Variants in SLC24A2 observed in about 807,000 individuals in gnomAD.
The protein encoded by SLC24A2 is solute carrier family 24 member 2.
In SLC24A2, 36 loss-of-function variants were observed where a neutral mutation model predicts 62.0. That is an observed-to-expected ratio of 0.58 (90% confidence interval 0.44 to 0.77). The LOEUF (loss-of-function observed/expected upper bound fraction) is 0.77. Ranked by LOEUF, SLC24A2 falls within the 30% of genes least tolerant of loss-of-function variation. The pLI, the probability that SLC24A2 is intolerant of heterozygous loss-of-function variation, is 0.00. For missense variants in SLC24A2, 846 were observed against 817.9 expected (o/e 1.03, Z -0.42); for synonymous variants, 358 against 294.0 (o/e 1.22, Z -2.23).
At chr9:19,568,795 T>C (rs761151255) in intron 7 of SLC24A2, among the ~76,000 whole-genome samples, 1 of 152,220 alleles carries the variant, frequency 6.6e-6, no homozygotes, top group Non-Finnish European at 1.5e-5. Flanking sequence ...AATTGCCTGG[T>C]TCAACATTGA....
intron 2 of SLC24A2, among the ~76,000 whole-genome samples, chr9:19,753,048 G>C (rs552256172): frequency 6.6e-6 from 1 of 152,314 alleles, no homozygotes; most frequent in Non-Finnish European, 1.5e-5. Context: ...TCCCTCAGGT[G>C]CCAGGAGTAA....
chr9:20,103,477 G>A, the SLC24A2 span, among the ~76,000 whole-genome samples: 1 of 152,148 alleles, frequency 6.6e-6, no homozygotes, highest in Non-Finnish European at 1.5e-5. Context: ...ACCTCACATG[G>A]CCAGGTACTC....
At chr9:20,270,818 A>C in the SLC24A2 span, among the ~76,000 whole-genome samples, 1 of 152,240 alleles carries the variant, frequency 6.6e-6, no homozygotes, top group Non-Finnish European at 1.5e-5. Context: ...GTTTTTATAC[A>C]ATAAAAATTT....
the SLC24A2 span, among the ~76,000 whole-genome samples, chr9:19,901,985 G>T: frequency 6.6e-6 from 1 of 152,214 alleles, no homozygotes; most frequent in African/African-American, 2.4e-5. Context: ...GGCTGCCACA[G>T]AACAAGAAAA....
At chr9:19,981,063 G>A in the SLC24A2 span, among the ~76,000 whole-genome samples, 1,360 of 152,258 alleles carry the variant, frequency 8.9e-3, 26 homozygotes, top group African/African-American at 0.032. Flanking sequence ...AAAAGATGCT[G>A]ATGGAGTATG....
chr9:19,878,301 T>C, the SLC24A2 span, among the ~76,000 whole-genome samples: 1 of 152,124 alleles, frequency 6.6e-6, no homozygotes, highest in African/African-American at 2.4e-5. Flanking sequence ...AGGGGAAGGA[T>C]TGGATGCAGG....
At chr9:20,004,424 G>C in the SLC24A2 span, among the ~76,000 whole-genome samples, 9 of 152,164 alleles carry the variant, frequency 5.9e-5, no homozygotes, top group African/African-American at 2.2e-4. Context: ...AAGTGACATT[G>C]TGACATTCTT....
chr9:20,033,814 T>C, the SLC24A2 span, among the ~76,000 whole-genome samples: 1 of 152,196 alleles, frequency 6.6e-6, no homozygotes, highest in Non-Finnish European at 1.5e-5. Context: ...TTTTTTAGCA[T>C]ATGATCAGGA....
the SLC24A2 span, among the ~76,000 whole-genome samples, chr9:19,962,043 A>C: frequency 6.6e-6 from 1 of 152,242 alleles, no homozygotes; most frequent in Non-Finnish European, 1.5e-5. Flanking sequence ...ATAGATAGCT[A>C]ATATATCACC....
intron 2 of SLC24A2, among the ~76,000 whole-genome samples, chr9:19,732,680 C>T (rs1821376319): frequency 6.6e-6 from 1 of 152,174 alleles, no homozygotes; most frequent in Non-Finnish European, 1.5e-5. Context: ...TGTGCTGGTT[C>T]TCCCTCTGCA....
chr9:19,626,675 G>A (rs1223265950), intron 2 of SLC24A2, among the ~76,000 whole-genome samples: 1 of 152,138 alleles, frequency 6.6e-6, no homozygotes, highest in Non-Finnish European at 1.5e-5. Flanking sequence ...ATATTCCAAT[G>A]GACATGAATT....
At chr9:20,170,394 A>T in the SLC24A2 span, among the ~76,000 whole-genome samples, 7 of 151,982 alleles carry the variant, frequency 4.6e-5, no homozygotes, top group African/African-American at 7.2e-5. Context: ...TCCTTAACAC[A>T]ATCCCTACCT....
the SLC24A2 span, among the ~76,000 whole-genome samples, chr9:20,187,995 G>C: frequency 4.4e-3 from 670 of 152,296 alleles, 2 homozygotes; most frequent in Non-Finnish European, 6.8e-3. Flanking sequence ...TTTCATCTCT[G>C]AAGCCCCAAC....
At chr9:19,961,958 T>C in the SLC24A2 span, among the ~76,000 whole-genome samples, 1 of 152,202 alleles carries the variant, frequency 6.6e-6, no homozygotes, top group Non-Finnish European at 1.5e-5. Flanking sequence ...ACTCCTAGAT[T>C]CTTGACTCTC....
chr9:19,611,884 G>A (rs532095610), intron 4 of SLC24A2, among the ~76,000 whole-genome samples: 88 of 152,100 alleles, frequency 5.8e-4, no homozygotes, highest in Non-Finnish European at 9.4e-4. Flanking sequence ...TCCCCAAATC[G>A]ATCTCATCTG....
chr9:19,694,522 C>G (rs556000658), intron 2 of SLC24A2, among the ~76,000 whole-genome samples: 1 of 152,056 alleles, frequency 6.6e-6, no homozygotes, highest in Non-Finnish European at 1.5e-5. Context: ...AGGCGAAAGA[C>G]TTTCTAAATG....
chr9:19,987,804 C>G, the SLC24A2 span, among the ~76,000 whole-genome samples: 5 of 152,148 alleles, frequency 3.3e-5, no homozygotes, highest in African/African-American at 1.2e-4. Context: ...TATCACGCTT[C>G]CCCAAAGAAA....
At chr9:20,255,432 G>A in the SLC24A2 span, among the ~76,000 whole-genome samples, 1 of 152,192 alleles carries the variant, frequency 6.6e-6, no homozygotes, top group Non-Finnish European at 1.5e-5. Context: ...CCAGTTCTTA[G>A]TTTTCCTTGT....
At chr9:19,790,347 C>G (rs1823299971), upstream of SLC24A2, among the ~76,000 whole-genome samples, 1 of 152,050 alleles carries the variant, frequency 6.6e-6, no homozygotes, top group African/African-American at 2.4e-5. Flanking sequence ...CATGGACAGT[C>G]ATATTTCATC....
Sources: allele counts gnomAD v4.1 joint callset (sites outside exome capture counted in the v4.1 genomes callset), GRCh38; gene constraint gnomAD v4.1.1; transcripts MANE v1.5; gene names NCBI Gene and HGNC (gene_info 2026-07-23, HGNC 2026-07-21).